EXOC1: variants seen among roughly 807,000 people sequenced by gnomAD.
The protein encoded by EXOC1 is exocyst complex component 1.
Under a neutral mutation model 107.7 loss-of-function variants are expected in EXOC1, and 67 were observed. The ratio of observed to expected loss-of-function variants is 0.62; its 90% confidence interval spans 0.51 to 0.76. The LOEUF (loss-of-function observed/expected upper bound fraction) is 0.76. Among genes scored for constraint, EXOC1 ranks in the 30% least tolerant of loss-of-function variants. The pLI is 0.00. For synonymous variants in EXOC1, 348 were observed against 353.5 expected, an observed-to-expected ratio of 0.98 and a Z score of 0.17; for missense variants, 833 against 1,055.7, an observed-to-expected ratio of 0.79 and a Z score of 2.92.
chr4:55,894,250 G>T (rs528935289), intron 15 of EXOC1, among the ~76,000 whole-genome samples: 27 of 151,540 alleles, frequency 1.8e-4, no homozygotes, highest in Middle Eastern at 3.4e-3. Flanking sequence ...GCTTGAACCT[G>T]TGAAGTGGAG....
chr4:55,868,238 A>G (rs1401542145), intron 4 of EXOC1, 98 bp from the exon 5 acceptor site: 3 of 916,870 alleles, frequency 3.3e-6, no homozygotes, highest in South Asian at 3.6e-5. Flanking sequence ...CAGCTGCTAA[A>G]TGTGACCTGT....
rs1724193793 is a variant in EXOC1 at position 55,888,939 on chromosome 4, A to G, written c.1375+7A>G. ...GTCAAACAGGAAACAGAGAGTGAGT[A>G]TGCTTAGTGTATTAGTAGGTATTCT... On this transcript the variant is annotated splice_region_variant and intron_variant, in intron 11 of 18. Transcript: ENST00000381295. 8 of 1,613,258 alleles carry G rather than the reference A, an allele frequency of 5.0e-6. No homozygotes were observed. Among genetic ancestry groups the G allele is most frequent in the Non-Finnish European group, 5.9e-6 (7 of 1,179,438 alleles).
rs770312166 is a variant in EXOC1 at position 55,858,430 on chromosome 4, G to GT, written c.113dup (p.Leu38PhefsTer8). ...AAAGCAGGAAAAAAGAAAAAGAACT[G>GT]TTTTTTATGTGCCACAGGTGGGTAT... is the stretch of plus-strand genomic sequence containing the variant. On this transcript the variant is annotated frameshift_variant, in exon 2 of 19. Transcript: ENST00000381295. LOFTEE classifies it high-confidence loss of function. 4.0e-5 allele frequency: 64 copies of GT among 1,602,984 alleles called. No individual in the cohort carries two copies. Among genetic ancestry groups the GT allele is most frequent in the Non-Finnish European group, 4.9e-5 (58 of 1,175,514 alleles).
At position 55,876,595 on chromosome 4, in the gene EXOC1, T is replaced by C. The variant is rs1171562469; in HGVS notation, c.1075-1322T>C. The C allele has an allele frequency of 4.1e-6, 4 of 985,146 alleles. No individual in the cohort carries two copies. The African/African-American group carries it at 7.0e-5, about 17-fold the overall frequency. 61.0% of individuals were successfully genotyped at this position (985,146 alleles called of 1,614,324 possible). A position where few individuals can be genotyped will look rare whatever the true frequency, so the allele number is the denominator to read the frequency against. On this transcript the variant is annotated intron_variant, in intron 8 of 18. Transcript: ENST00000381295. The stretch of plus-strand genomic sequence containing the variant: ...GAAAGGGATTATGGACCTATTAATA[T>C]ACCTTGTGTATAACATCTGTGGTAG...
intron 17 of EXOC1, chr4:55,900,686 TA>T (rs1176269459): frequency 6.6e-6 from 1 of 152,106 alleles, no homozygotes; most frequent in Non-Finnish European, 1.5e-5. Context: ...CCATCCTAGC[TA>T]ACAAGGTGAA....
rs150269856 is a variant in EXOC1, at chr4:55,896,006, C to T, written c.1954-711C>T. On this transcript the variant is annotated intron_variant, in intron 15 of 18. Transcript: ENST00000381295. ...CCAACCAGAAGTTACCCGGAGGGAT[C>T]CTATAGGTGCTCTGGAATCTTCTCT... Among the ~76,000 whole-genome samples, 267 of 152,262 alleles carry T rather than the reference C, an allele frequency of 1.8e-3. 1 individual carries two copies. In the Middle Eastern group the frequency reaches 0.027, roughly 16 times the overall value.
intron 1 of EXOC1, 104 bp downstream of exon 1, chr4:55,854,057 C>G (rs556211098): frequency 6.6e-6 from 1 of 152,468 alleles, no homozygotes; most frequent in East Asian, 1.9e-4. Flanking sequence ...ACGGTTCCGC[C>G]CATCGGAACC....
Position 55,868,429 on chromosome 4 carries a change from A to T in EXOC1, c.509A>T (p.Asp170Val). 1 of 1,613,840 alleles carries T rather than the reference A, an allele frequency of 6.2e-7. No individual in the cohort carries two copies. The highest frequency in any genetic ancestry group is 1.3e-5 in the African/African-American group (1 of 75,036). ...YQELNAREEQ[D>V]IEIMMEGCEY... ...GAGTTAAATGCAAGAGAAGAACAGG[A>T]TATCGAAATAATGATGGAAGGCTGT... is the stretch of plus-strand genomic sequence containing the variant. Residue 170 changes from aspartate (D) to valine (V), a missense_variant, in exon 5 of 19, where the codon GAT (aspartate) becomes GTT (valine). Physicochemically the swap from Asp to Val is radical, Grantham distance 152. This residue lies in a region of EXOC1 where 617 missense variants were observed against 701.3 expected (regional missense o/e 0.88). Coordinates refer to ENST00000381295, the MANE Select transcript of EXOC1 (RefSeq NM_001024924.2).
intron 9 of EXOC1, 140 bp downstream of exon 9, chr4:55,878,206 G>A: frequency 1.1e-6 from 1 of 935,866 alleles, no homozygotes. Flanking sequence ...CTCTTTACCA[G>A]TGATAACATT....
At chr4:55,878,684 TTAAA>T (rs1271763030) in intron 9 of EXOC1, among the ~76,000 whole-genome samples, 1 of 152,030 alleles carries the variant, frequency 6.6e-6, no homozygotes, top group African/African-American at 2.4e-5. Flanking sequence ...ATGAGTGCAA[TTAAA>T]TAAACCAGAA....
In EXOC1 at chr4:55,890,532, A is replaced by G. The variant is rs769863775; in HGVS notation, c.1539+146A>G. 727 of 110,612 alleles carry G rather than the reference A, an allele frequency of 6.6e-3. 4 individuals are homozygous for G. In the East Asian group the frequency reaches 0.095, roughly 14 times the overall value. 6.9% of individuals were successfully genotyped at this position (110,612 alleles called of 1,614,324 possible). On this transcript the variant is annotated intron_variant, in intron 12 of 18. Transcript: ENST00000381295. ...TCTTTCCAACTGAATCGAATCTGGG[A>G]AAAAAAAAAAAAAAAACTAGTCAAA...
intron 4 of EXOC1, 139 bp from the exon 5 acceptor site, chr4:55,868,197 C>T: frequency 2.0e-6 from 1 of 495,702 alleles, no homozygotes; most frequent in Non-Finnish European, 3.2e-6. Context: ...TTGATTTTTT[C>T]ATATCATTTG....
At chr4:55,886,590 CA>C (rs1723909428) in intron 10 of EXOC1, among the ~76,000 whole-genome samples, 1 of 143,992 alleles carries the variant, frequency 6.9e-6, no homozygotes, top group African/African-American at 2.5e-5. Flanking sequence ...AAAAAAAAAA[CA>C]AGAAATGTAA....
At chr4:55,889,011 G>C in intron 11 of EXOC1, 79 bp downstream of exon 11, 2 of 1,485,036 alleles carry the variant, frequency 1.3e-6, no homozygotes, top group Non-Finnish European at 1.9e-6. Flanking sequence ...CTTGAAAAAA[G>C]GTAACACCAA....
Position 55,864,394 on chromosome 4 carries a change from T to C in EXOC1, c.415+8T>C, listed in dbSNP as rs756275664. 2 of 1,593,328 alleles carry C rather than the reference T, an allele frequency of 1.3e-6. No homozygotes were observed. The highest frequency in any genetic ancestry group is 1.7e-6 in the Non-Finnish European group (2 of 1,171,110). ...GCTCACAGCTTTTGGAAGGTAAAGT[T>C]AAATAAAAATGTATATGTAAAATCA... On this transcript the variant is annotated splice_region_variant and intron_variant, in intron 4 of 18. Coordinates refer to ENST00000381295, the MANE Select transcript of EXOC1 (RefSeq NM_001024924.2).
intron 5 of EXOC1, among the ~76,000 whole-genome samples, chr4:55,869,267 G>A (rs949522744): frequency 1.3e-5 from 2 of 152,140 alleles, no homozygotes; most frequent in African/African-American, 2.4e-5. Flanking sequence ...TTGGGAGGCT[G>A]AGGCACAAGA....
chr4:55,873,240 T>C (rs1336977184), intron 8 of EXOC1, among the ~76,000 whole-genome samples: 1 of 152,062 alleles, frequency 6.6e-6, no homozygotes, highest in African/African-American at 2.4e-5. Flanking sequence ...ATAAATGTTA[T>C]GACAGCGAGA....
At chr4:55,884,379 A>C (rs951434386) in intron 10 of EXOC1, among the ~76,000 whole-genome samples, 1 of 152,210 alleles carries the variant, frequency 6.6e-6, no homozygotes, top group African/African-American at 2.4e-5. Context: ...CTTACTTCTC[A>C]CTGGCTATTT....
Position 55,861,887 on chromosome 4 carries a change from C to G in EXOC1, c.255+1346C>G, listed in dbSNP as rs1288892957. 2.6e-5 allele frequency among the ~76,000 whole-genome samples: 4 copies of G among 152,324 alleles called. No individual in the cohort carries two copies. The Middle Eastern group carries it at 0.01, about 389-fold the overall frequency. On this transcript the variant is annotated intron_variant, in intron 3 of 18. Coordinates refer to ENST00000381295, the MANE Select transcript of EXOC1 (RefSeq NM_001024924.2). Reference sequence around the variant, plus strand: ...TGGGTAACACAGTGAAACCCTGTCTCTACTAAAATACAAAAAATTAGCTGG... The same window carrying G: ...TGGGTAACACAGTGAAACCCTGTCTGTACTAAAATACAAAAAATTAGCTGG...
Sources: allele counts gnomAD v4.1 joint callset (sites outside exome capture counted in the v4.1 genomes callset), GRCh38; gene constraint gnomAD v4.1.1; regional missense constraint gnomAD v4.1.1; transcripts MANE v1.5; gene names NCBI Gene and HGNC (gene_info 2026-07-23, HGNC 2026-07-21).